The following ADGRV1 variants were observed in gnomAD, a reference collection of about 807,000 sequenced individuals.
ADGRV1 encodes G-protein coupled receptor 98.
A neutral mutation model predicts 596.2 loss-of-function variants in ADGRV1; 359 were observed. The observed-to-expected ratio is 0.60, with a 90% confidence interval of 0.55 to 0.66. The LOEUF (loss-of-function observed/expected upper bound fraction) is 0.66. Ranked by LOEUF, ADGRV1 falls within the 30% of genes least tolerant of loss-of-function variation. ADGRV1 has a pLI of 0.00. For missense variants in ADGRV1, 7,274 were observed against 7,575.6 expected (o/e 0.96, Z 1.48); for synonymous variants, 2,681 against 2,679.2 (o/e 1.00, Z -0.02).
intron 83 of ADGRV1, among the ~76,000 whole-genome samples, chr5:90,962,195 A>T (rs776760354): frequency 1.3e-5 from 2 of 152,232 alleles, no homozygotes; most frequent in South Asian, 2.1e-4. Flanking sequence ...CACATCATTA[A>T]TATGTGAGTT....
intron 73 of ADGRV1, among the ~76,000 whole-genome samples, chr5:90,808,745 C>T (rs1182352997): frequency 6.6e-6 from 1 of 152,012 alleles, no homozygotes; most frequent in Non-Finnish European, 1.5e-5. Context: ...GAATACAAAA[C>T]ATCAGCCAAG....
At chr5:91,039,309 T>C (rs1785151560) in intron 85 of ADGRV1, among the ~76,000 whole-genome samples, 1 of 152,224 alleles carries the variant, frequency 6.6e-6, no homozygotes, top group African/African-American at 2.4e-5. Flanking sequence ...AGTCCTTTGT[T>C]ACCTTCGTTA....
rs752638993 is a variant in ADGRV1, at chr5:90,985,498, T to C, written c.18128T>C (p.Ile6043Thr). ...KGIYHQSMSQ[I>T]YGLIHGDLCF... ...ATCTATCATCAGAGCATGTCACAGA[T>C]CTATGGACTCATTCATGGTGACCTG... The change falls in exon 85 of 90, where the codon ATC (isoleucine) becomes ACC (threonine). Residue 6043 changes from isoleucine (I) to threonine (T), a missense_variant. Ile to Thr is a moderately conservative substitution (Grantham distance 89, BLOSUM62 -1). Coordinates refer to ENST00000405460, the MANE Select transcript of ADGRV1 (RefSeq NM_032119.4). 4 of 1,613,816 alleles carry C rather than the reference T, an allele frequency of 2.5e-6. No homozygotes were observed. Among genetic ancestry groups the C allele is most frequent in the East Asian group, 4.5e-5 (2 of 44,876 alleles).
At position 90,564,649 on chromosome 5, in the gene ADGRV1, CG is replaced by C. The variant is rs1199228203; in HGVS notation, c.22+5734del. 8.0e-5 allele frequency among the ~76,000 whole-genome samples: 6 copies of C among 75,066 alleles called. 1 individual carries two copies. The highest frequency in any genetic ancestry group is 4.6e-4 in the African/African-American group (6 of 13,164). 49.2% of individuals were successfully genotyped at this position (75,066 alleles called of 152,430 possible). A position where few individuals can be genotyped will look rare whatever the true frequency, so the allele number is the denominator to read the frequency against. ...TATTTTTTTTTTTTTTTTTTTGAGA[CG>C]GAGTCTCGCTCTGTCGCCCAGGCTG... On this transcript the variant is annotated intron_variant, in intron 1 of 89. Transcript: ENST00000405460.
At position 90,757,089 on chromosome 5, in the gene ADGRV1, A is replaced by G. The variant is rs749346690; in HGVS notation, c.11868A>G (p.Lys3956=). ...TTGGGGCAGTAAATGTTTATTGGAA[A>G]GCATCACCAGACAGTGCTGGCCTGG... ...GSFGAVNVYW[K]ASPDSAGLED... Residue 3956 remains lysine, a synonymous_variant, in exon 57 of 90, where the codon AAA becomes AAG. Coordinates refer to ENST00000405460, the MANE Select transcript of ADGRV1 (RefSeq NM_032119.4). 1.2e-5 allele frequency: 20 copies of G among 1,613,978 alleles called. No individual in the cohort carries two copies. Among genetic ancestry groups the G allele is most frequent in the East Asian group, 2.2e-5 (1 of 44,876 alleles).
At chr5:90,757,929 G>T (rs1262997940) in intron 57 of ADGRV1, among the ~76,000 whole-genome samples, 1 of 152,092 alleles carries the variant, frequency 6.6e-6, no homozygotes, top group African/African-American at 2.4e-5. Flanking sequence ...GCTCATGGGG[G>T]GCGGTAGTAA....
At chr5:91,133,828 C>T (rs185625977) in intron 87 of ADGRV1, among the ~76,000 whole-genome samples, 225 of 152,154 alleles carry the variant, frequency 1.5e-3, no homozygotes, top group African/African-American at 5.0e-3. Flanking sequence ...AGAAGTTGCC[C>T]CATCACACAG....
At chr5:90,930,110 T>A (rs1319196241) in intron 83 of ADGRV1, among the ~76,000 whole-genome samples, 1 of 152,188 alleles carries the variant, frequency 6.6e-6, no homozygotes, top group East Asian at 1.9e-4. Context: ...AATATATGAT[T>A]TGTCTAGCAA....
Position 90,697,025 on chromosome 5 carries a change from T to C in ADGRV1, c.8034T>C (p.Thr2678=). The C allele has an allele frequency of 6.2e-7, 1 of 1,613,364 alleles. No homozygotes were observed. The highest frequency in any genetic ancestry group is 8.5e-7 in the Non-Finnish European group (1 of 1,179,456). ...GTATCATAGTTAGTTTGGTGTACAC[T>C]GAAGGTGGAAGTAGAATTTTGCCAA... ...DESIIVSLVY[T]EGGSRILPSS... Residue 2678 remains threonine, a synonymous_variant, in exon 34 of 90, where the codon ACT becomes ACC. Coordinates refer to ENST00000405460, the MANE Select transcript of ADGRV1 (RefSeq NM_032119.4).
intron 85 of ADGRV1, among the ~76,000 whole-genome samples, chr5:91,040,882 A>G (rs536209743): frequency 6.6e-6 from 1 of 152,218 alleles, no homozygotes. Flanking sequence ...CATCCAGGTC[A>G]TCATGGAATT....
At chr5:90,611,413 G>A (rs143744331) in intron 1 of ADGRV1, among the ~76,000 whole-genome samples, 127 of 151,966 alleles carry the variant, frequency 8.4e-4, no homozygotes, top group Non-Finnish European at 1.5e-3. Flanking sequence ...CATGCTAAGA[G>A]ATCTATTAAG....
In ADGRV1 at chr5:90,629,399, C is replaced by A. The variant is rs374372793; in HGVS notation, c.1699C>A (p.Pro567Thr). 5 of 1,613,384 alleles carry A rather than the reference C, an allele frequency of 3.1e-6. No individual in the cohort carries two copies. The highest frequency in any genetic ancestry group is 4.2e-6 in the Non-Finnish European group (5 of 1,179,794). Residue 567 changes from proline (P) to threonine (T), a missense_variant, in exon 9 of 90, where the codon CCC becomes ACC. Around this residue, in one of 5 missense-constraint regions of ADGRV1, gnomAD observed 1,715 missense variants for 1,708.8 expected, o/e 1.00. Transcript: ENST00000405460. The part of the protein sequence containing the change: ...VLYIPAGAVD[P>T]LQAKEGILNI... The stretch of plus-strand genomic sequence containing the variant: ...TTACATTCCTGCTGGAGCTGTGGAC[C>A]CCTTGCAAGCAAAAGAAGGCATCTT...
At position 91,035,398 on chromosome 5, in the gene ADGRV1, A is replaced by AT. The variant is rs1464126767; in HGVS notation, c.18153-37045dup. Among the ~76,000 whole-genome samples the AT allele has an allele frequency of 2.0e-5, 3 of 152,266 alleles. No individual in the cohort carries two copies. The East Asian group carries it at 5.8e-4, about 29-fold the overall frequency. ...CCCCAAGAAGAATTCTGTTTATAAG[A>AT]TTTTAAGATAACATTTTCCTCTTCC... On this transcript the variant is annotated intron_variant, in intron 85 of 89. Coordinates refer to ENST00000405460, the MANE Select transcript of ADGRV1 (RefSeq NM_032119.4).
intron 59 of ADGRV1, among the ~76,000 whole-genome samples, chr5:90,766,098 A>G (rs768416068): frequency 2.3e-4 from 35 of 151,946 alleles, no homozygotes; most frequent in Non-Finnish European, 4.4e-4. Flanking sequence ...TTTTAGTGAG[A>G]CAGGGTTTCA....
At chr5:90,599,858 G>A (rs1468997977) in intron 1 of ADGRV1, among the ~76,000 whole-genome samples, 1 of 152,170 alleles carries the variant, frequency 6.6e-6, no homozygotes, top group African/African-American at 2.4e-5. Flanking sequence ...TCAAATTGAT[G>A]GAGGATTGTA....
chr5:90,651,691 T>C lies in ADGRV1; in HGVS notation c.3377T>C (p.Ile1126Thr). 1 of 1,612,800 alleles carries C rather than the reference T, an allele frequency of 6.2e-7. No homozygotes were observed. The highest frequency in any genetic ancestry group is 8.5e-7 in the Non-Finnish European group (1 of 1,179,204). Residue 1126 changes from isoleucine (I) to threonine (T), a missense_variant, in exon 18 of 90, where the codon ATA becomes ACA. Around this residue, in one of 5 missense-constraint regions of ADGRV1, gnomAD observed 1,715 missense variants for 1,708.8 expected, o/e 1.00. Transcript: ENST00000405460. Reference protein sequence around the residue: ...DPNGIFSLEPIDKAVEEGKTN... With the variant: ...DPNGIFSLEPTDKAVEEGKTN... ...AATGGCATTTTTTCTCTGGAGCCCA[T>C]AGACAAAGCAGTGGAAGAAGGAAAG...
intron 59 of ADGRV1, among the ~76,000 whole-genome samples, chr5:90,767,876 A>G (rs1013073401): frequency 6.6e-6 from 1 of 152,236 alleles, no homozygotes; most frequent in African/African-American, 2.4e-5. Context: ...TTAAATCTCA[A>G]TCAAGATGTT....
intron 78 of ADGRV1, among the ~76,000 whole-genome samples, chr5:90,843,386 A>G (rs762966594): frequency 1.3e-5 from 2 of 152,062 alleles, no homozygotes; most frequent in South Asian, 4.2e-4. Flanking sequence ...TATATGTGAT[A>G]AAGTGCTATT....
intron 83 of ADGRV1, among the ~76,000 whole-genome samples, chr5:90,963,590 T>C (rs2150960801): frequency 6.6e-6 from 1 of 152,036 alleles, no homozygotes; most frequent in East Asian, 1.9e-4. Flanking sequence ...GTATTACAAA[T>C]GCACCAAATC....
Sources: gnomAD v4.1 joint callset for allele counts (sites outside exome capture counted in the v4.1 genomes callset) on GRCh38, gnomAD v4.1.1 for gene constraint, gnomAD v4.1.1 regional missense constraint, MANE v1.5 for transcripts, NCBI Gene and HGNC (gene_info 2026-07-23, HGNC 2026-07-21) for gene names.